The following TRIM26 variants were observed in gnomAD, a reference collection of about 807,000 sequenced individuals.
TRIM26 encodes tripartite motif-containing protein 26.
In TRIM26, 16 loss-of-function variants were observed where a neutral mutation model predicts 45.5. That is an observed-to-expected ratio of 0.35 (90% CI 0.24 to 0.53). The LOEUF is 0.53. TRIM26 is among the 20% of genes least tolerant of loss of function. The pLI is 0.92. For synonymous variants in TRIM26, 273 were observed against 290.4 expected, an observed-to-expected ratio of 0.94 and a Z score of 0.61; for missense variants, 442 against 691.1, an observed-to-expected ratio of 0.64 and a Z score of 4.04.
At chr6:30,203,185 A>G (rs1300187751) in intron 2 of TRIM26, among the ~76,000 whole-genome samples, 1 of 151,574 alleles carries the variant, frequency 6.6e-6, no homozygotes, top group Non-Finnish European at 1.5e-5. Context: ...CTGCAACAAC[A>G]GGTGCATACT....
rs894223829 is a variant in TRIM26 at position 30,190,426 on chromosome 6, T to C, written c.766-391A>G. 3 of 267,008 alleles carry C rather than the reference T, an allele frequency of 1.1e-5. No individual in the cohort carries two copies. Among genetic ancestry groups the C allele is most frequent in the Non-Finnish European group, 2.2e-5 (3 of 135,988 alleles). 16.5% of individuals were successfully genotyped at this position (267,008 alleles called of 1,614,324 possible). A position where few individuals can be genotyped will look rare whatever the true frequency, so the allele number is the denominator to read the frequency against. On this transcript the variant is annotated intron_variant, in intron 6 of 9. Transcript: ENST00000454678. This position sits in a 1 kb window ranked among gnomAD's most constrained non-coding sequence, Gnocchi z 4.3. ...AGTTTCACTTTTGCTCCACGTACAG[T>C]GGAAACCCACCAAGGGTTTCAAGTA... is the stretch of plus-strand genomic sequence containing the variant.
At chr6:30,200,395 T>C (rs942471366) in intron 3 of TRIM26, among the ~76,000 whole-genome samples, 1 of 152,226 alleles carries the variant, frequency 6.6e-6, no homozygotes, top group Non-Finnish European at 1.5e-5. Context: ...TGTCAGCATT[T>C]CCCTTTGTGA....
intron 3 of TRIM26, among the ~76,000 whole-genome samples, chr6:30,199,932 G>A (rs1776970935): frequency 6.6e-6 from 1 of 152,048 alleles, no homozygotes; most frequent in African/African-American, 2.4e-5. Context: ...CACTGCACCT[G>A]GCCAAGAGAC....
At chr6:30,202,950 GA>G (rs1400014437) in intron 2 of TRIM26, among the ~76,000 whole-genome samples, 3 of 148,356 alleles carry the variant, frequency 2.0e-5, no homozygotes, top group Non-Finnish European at 3.0e-5. Flanking sequence ...CCTGTAAAAA[GA>G]AAAAAAAGGT....
chr6:30,206,414 G>A (rs985030642), intron 1 of TRIM26, among the ~76,000 whole-genome samples: 2 of 152,376 alleles, frequency 1.3e-5, no homozygotes, highest in African/African-American at 2.4e-5. Flanking sequence ...GGCTCTGAAC[G>A]CTAGAAATCC....
rs144475271 is a variant in TRIM26, at chr6:30,186,257, G to T, written c.1239C>A (p.Asp413Glu). 123 of 1,603,736 alleles carry T rather than the reference G, an allele frequency of 7.7e-5. No homozygotes were observed. Among genetic ancestry groups the T allele is most frequent in the Non-Finnish European group, 1.0e-4 (118 of 1,175,108 alleles). Residue 413 changes from aspartate (D) to glutamate (E), a missense_variant, in exon 10 of 10, where the codon GAC (aspartate) becomes GAA (glutamate). Asp to Glu is a conservative substitution (Grantham distance 45). Transcript: ENST00000454678. The surrounding 1 kb of genome is among the most constrained non-coding windows in gnomAD (Gnocchi z 7.4). Reference sequence around the variant, plus strand: ...CATCGCCCAACGATTCCTCATCTTCGTCCGTTTCCCAGTCGTCATATCCAT... The same window carrying T: ...CATCGCCCAACGATTCCTCATCTTCTTCCGTTTCCCAGTCGTCATATCCAT... ...YGDGYDDWET[D>E]EDEESLGDEE...
chr6:30,187,276 A>T (rs6920344), intron 9 of TRIM26: 16,311 of 305,646 alleles, frequency 0.053, 618 homozygotes, highest in African/African-American at 0.1. Context: ...AGAATCTTCC[A>T]AAACTGACCC....
intron 1 of TRIM26, among the ~76,000 whole-genome samples, chr6:30,208,515 C>CTTTTTTT (rs35809533): frequency 7.8e-6 from 1 of 128,224 alleles, no homozygotes; most frequent in Non-Finnish European, 1.6e-5. Context: ...AATTTTTTTC[C>CTTTTTTT]TTTTTTTTTT....
At chr6:30,200,253 G>C (rs1439101523) in intron 3 of TRIM26, among the ~76,000 whole-genome samples, 4 of 152,152 alleles carry the variant, frequency 2.6e-5, no homozygotes, top group Non-Finnish European at 4.4e-5. Context: ...CTACACTCCA[G>C]ACTGGGCAAC....
chr6:30,203,906 G>A (rs1777456782), intron 2 of TRIM26, among the ~76,000 whole-genome samples: 1 of 151,982 alleles, frequency 6.6e-6, no homozygotes, highest in Non-Finnish European at 1.5e-5. Flanking sequence ...TCTGGGGAGG[G>A]AGCTACAGTT....
intron 5 of TRIM26, among the ~76,000 whole-genome samples, chr6:30,197,374 T>C (rs1183458680): frequency 6.6e-6 from 1 of 152,170 alleles, no homozygotes; most frequent in African/African-American, 2.4e-5. Context: ...ACTGAGGGCC[T>C]GGAGGGGTCC....
intron 6 of TRIM26, among the ~76,000 whole-genome samples, chr6:30,193,977 G>A (rs1269249419): frequency 6.6e-6 from 1 of 152,060 alleles, no homozygotes; most frequent in Non-Finnish European, 1.5e-5. Context: ...TTTTGGTGGG[G>A]CCTTTAGGTT....
At position 30,205,715 on chromosome 6, in the gene TRIM26, G is replaced by A. The variant is rs1024103118; in HGVS notation, c.-375-950C>T. ...GAATTAGCTGGGTGCGATGGCACATGCCTATAGTTCCAGCTACTTAGGAAG... is the reference window on the plus strand; with the variant it reads ...GAATTAGCTGGGTGCGATGGCACATACCTATAGTTCCAGCTACTTAGGAAG... On this transcript the variant is annotated intron_variant, in intron 1 of 9. Transcript: ENST00000454678. Among the ~76,000 whole-genome samples the A allele has an allele frequency of 2.0e-5, 3 of 152,198 alleles. No individual in the cohort carries two copies. The East Asian group carries it at 5.8e-4, about 29-fold the overall frequency.
intron 9 of TRIM26, chr6:30,188,348 C>T: frequency 2.4e-6 from 1 of 424,782 alleles, no homozygotes; most frequent in South Asian, 6.6e-5. Context: ...ATTTCAGTTT[C>T]AAAACTACCA....
rs749442119 is a variant in TRIM26, at chr6:30,196,583, G to A, written c.698C>T (p.Ala233Val). The A allele has an allele frequency of 3.1e-6, 5 of 1,612,858 alleles. No individual in the cohort carries two copies. In the East Asian group the frequency reaches 1.1e-4, roughly 36 times the overall value. ...KFKSRGVGEL[A>V]RLALVISELE... ...TTCGGAGATGACCAGGGCCAGCCGG[G>A]CAAGCTCCCCGACGCCCCGGCTCTT... The change falls in exon 6 of 10, where the codon GCC becomes GTC. Residue 233 changes from alanine to valine, a missense_variant. Transcript: ENST00000454678. This position sits in a 1 kb window ranked among gnomAD's most constrained non-coding sequence, Gnocchi z 4.9.
At position 30,207,746 on chromosome 6, in the gene TRIM26, A is replaced by C. The variant is rs1430139988; in HGVS notation, c.-375-2981T>G. 6.6e-6 allele frequency among the ~76,000 whole-genome samples: 1 copy of C among 151,966 alleles called. No homozygotes were observed. The highest frequency in any genetic ancestry group is 2.4e-5 in the African/African-American group (1 of 41,340). ...CACCTCAAACTCACAGCCAAACCAAACCGCTCTCCATGCCTCAAAGTGCTA... is the reference window on the plus strand; with the variant it reads ...CACCTCAAACTCACAGCCAAACCAACCCGCTCTCCATGCCTCAAAGTGCTA... On this transcript the variant is annotated intron_variant, in intron 1 of 9. Transcript: ENST00000454678. This position sits in a 1 kb window ranked among gnomAD's most constrained non-coding sequence, Gnocchi z 4.9.
At position 30,200,059 on chromosome 6, in the gene TRIM26, C is replaced by T. The variant is rs1246599356; in HGVS notation, c.-161-795G>A. On this transcript the variant is annotated intron_variant, in intron 3 of 9. Transcript: ENST00000454678. ...GCTGAGGCAGGAGGATCACTTGAAC[C>T]GAGGAGTTTGAAACCAGCCTCAGCA... Among the ~76,000 whole-genome samples, 3 of 152,036 alleles carry T rather than the reference C, an allele frequency of 2.0e-5. No individual in the cohort carries two copies. In the East Asian group the frequency reaches 5.8e-4, roughly 29 times the overall value.
intron 6 of TRIM26, among the ~76,000 whole-genome samples, chr6:30,193,184 T>A (rs28716137): frequency 4.1e-3 from 142 of 34,608 alleles, no homozygotes; most frequent in South Asian, 0.018. Context: ...ATATATATAT[T>A]TTTTTTTTTT....
At chr6:30,195,792 C>A (rs1776399059) in intron 6 of TRIM26, among the ~76,000 whole-genome samples, 1 of 152,208 alleles carries the variant, frequency 6.6e-6, no homozygotes, top group South Asian at 2.1e-4. Flanking sequence ...CCCCTCCCAG[C>A]CTATGAGAGC....
Sources: gnomAD v4.1 joint callset for allele counts (sites outside exome capture counted in the v4.1 genomes callset) on GRCh38, gnomAD v4.1.1 for gene constraint, Gnocchi (gnomAD v3.1) non-coding constraint, MANE v1.5 for transcripts, NCBI Gene and HGNC (gene_info 2026-07-23, HGNC 2026-07-21) for gene names.